Variants in EPN1 observed in about 807,000 individuals in gnomAD.
The protein encoded by EPN1 is epsin 1, also known as epsin-1.
In EPN1, 25 loss-of-function variants were observed where a neutral mutation model predicts 56.9. The observed-to-expected ratio is 0.44, with a 90% CI of 0.32 to 0.61. The LOEUF (loss-of-function observed/expected upper bound fraction) is 0.61. Ranked by LOEUF, EPN1 falls within the 20% of genes least tolerant of loss-of-function variation. The probability of loss-of-function intolerance (pLI) is 0.05; values close to 1 mark genes in which losing one functional copy is unlikely to be tolerated. For synonymous variants in EPN1, 411 were observed against 361.8 expected (o/e 1.14, Z -1.54); for missense variants, 785 against 823.7 (o/e 0.95, Z 0.58).
In EPN1 at chr19:55,685,608, G is replaced by C. The variant is rs749204908; in HGVS notation, c.441G>C (p.Ala147=). Residue 147 remains alanine (A), a synonymous_variant, in exon 3 of 11, where the codon GCG becomes GCC. Transcript: ENST00000270460. The stretch of plus-strand genomic sequence containing the variant: ...GGCTGCGGGAAGAGCGGGCGCACGC[G>C]CTCAAGACCAAGGAAAAGCTGGCAC... The part of the protein sequence containing the change: ...EDRLREERAH[A]LKTKEKLAQT... 6.2e-7 allele frequency: 1 copy of C among 1,602,974 alleles called. No homozygotes were observed. The highest frequency in any genetic ancestry group is 8.5e-7 in the Non-Finnish European group (1 of 1,175,622).
Position 55,701,959 on chromosome 19 carries a change from CTTTTTT to C in EPN1, c.*6618_*6623del, listed in dbSNP as rs1160028473. ...AGTCTCTAGCAGCCCCCACCCCATT[CTTTTTT>C]TTTTTTTTTTTTTTGAGATGGAGTC... is the stretch of plus-strand genomic sequence containing the variant. On this transcript the variant is annotated 3_prime_UTR_variant, in exon 11 of 11. Transcript: ENST00000270460. 0.032 allele frequency: 3,494 copies of C among 110,776 alleles called. 106 individuals carry two copies. Among genetic ancestry groups the C allele is most frequent in the East Asian group, 0.14 (558 of 4,082 alleles). The allele number at this position is 110,776 out of a possible 1,614,324, so 6.9% of individuals were successfully genotyped here. A position where few individuals can be genotyped will look rare whatever the true frequency, so the allele number is the denominator to read the frequency against.
Position 55,691,374 on chromosome 19 carries a change from G to A in EPN1, c.763-380G>A, listed in dbSNP as rs1600106886. Among the ~76,000 whole-genome samples the A allele has an allele frequency of 6.6e-6, 1 of 151,976 alleles. No homozygotes were observed. The highest frequency in any genetic ancestry group is 2.1e-4 in the South Asian group (1 of 4,820). On this transcript the variant is annotated intron_variant, in intron 6 of 10. Coordinates refer to ENST00000270460, the MANE Select transcript of EPN1 (RefSeq NM_001130072.2). This position sits in a 1 kb window ranked among gnomAD's most constrained non-coding sequence, Gnocchi z 5.6. ...AGGCACGGTGGGCAGAGGGAGGATC[G>A]AGCTGCTTCGGGTCGAGCGAGGGGA... is the stretch of plus-strand genomic sequence containing the variant.
chr19:55,677,581 G>C (rs1180704052), intron 1 of EPN1: 1 of 1,547,612 alleles, frequency 6.5e-7, no homozygotes, highest in African/African-American at 1.4e-5. Context: ...TGTTGAAAAA[G>C]GTAATGTCCC....
chr19:55,682,758 C>G (rs1036164226), intron 2 of EPN1, among the ~76,000 whole-genome samples: 3 of 151,134 alleles, frequency 2.0e-5, no homozygotes, highest in Non-Finnish European at 4.4e-5. Context: ...ATTATTGTTT[C>G]TTATTTATTT....
At chr19:55,685,790 C>A (rs1986132159) in intron 3 of EPN1, 145 bp downstream of exon 3, 8 of 1,103,624 alleles carry the variant, frequency 7.2e-6, no homozygotes, top group Non-Finnish European at 1.0e-5. Context: ...GGGCCCCTTG[C>A]TCTGGTCTCA....
intron 1 of EPN1, chr19:55,677,671 T>C (rs1369951928): frequency 3.2e-6 from 5 of 1,551,056 alleles, no homozygotes; most frequent in Non-Finnish European, 4.4e-6. Flanking sequence ...TCCTGAGCCT[T>C]GGGCTTCCGC....
rs923023807 is a variant in EPN1, at chr19:55,675,254, C to T, written c.-283C>T. On this transcript the variant is annotated 5_prime_UTR_variant, in exon 1 of 11. Transcript: ENST00000270460. ...TTGCTTCCCGTCTCCTCGGCGGCTC[C>T]CCTCCCCCGCCCGGCTCTCCGCGCC... 3 of 152,074 alleles carry T rather than the reference C, an allele frequency of 2.0e-5. No individual in the cohort carries two copies. The highest frequency in any genetic ancestry group is 2.9e-5 in the Non-Finnish European group (2 of 67,970). The allele number at this position is 152,074 out of a possible 1,614,324, so 9.4% of individuals were successfully genotyped here. A position where few individuals can be genotyped will look rare whatever the true frequency, so the allele number is the denominator to read the frequency against.
At position 55,686,108 on chromosome 19, in the gene EPN1, C is replaced by T. The variant is rs1433996039; in HGVS notation, c.478+463C>T. Among the ~76,000 whole-genome samples the T allele has an allele frequency of 2.0e-5, 3 of 152,230 alleles. No individual in the cohort carries two copies. In the East Asian group the frequency reaches 5.8e-4, roughly 29 times the overall value. ...TGCAGGTTGCACCAGGCATCTGGGC[C>T]TGTGTTAGGAGCCTTGACAGTGCCT... On this transcript the variant is annotated intron_variant, in intron 3 of 10. Coordinates refer to ENST00000270460, the MANE Select transcript of EPN1 (RefSeq NM_001130072.2).
At position 55,708,888 on chromosome 19, in the gene EPN1, A is replaced by C. The variant is rs1405833943; in HGVS notation, c.*13532A>C. 6.7e-7 allele frequency: 1 copy of C among 1,501,000 alleles called. No homozygotes were observed. Among genetic ancestry groups the C allele is most frequent in the Non-Finnish European group, 8.9e-7 (1 of 1,129,548 alleles). 93.0% of individuals were successfully genotyped at this position (1,501,000 alleles called of 1,614,324 possible). A position where few individuals can be genotyped will look rare whatever the true frequency, so the allele number is the denominator to read the frequency against. ...TGTGGCCAAGGAAAGCCTTTGTGAG[A>C]CGACTACTTCAGGGTGTTCCCCATC... is the stretch of plus-strand genomic sequence containing the variant. On this transcript the variant is annotated 3_prime_UTR_variant, in exon 11 of 11. Transcript: ENST00000270460.
rs1308732653 is a variant in EPN1, at chr19:55,689,058, C to T, written c.603+64C>T. ...GCCTCCACGCCTCACTTCAGGCTCC[C>T]TCCCAGCCAGGCGTGGGCCTGGCCC... On this transcript the variant is annotated intron_variant, in intron 4 of 10. Transcript: ENST00000270460. The surrounding 1 kb of genome is among the most constrained non-coding windows in gnomAD (Gnocchi z 5.7). 1.3e-6 allele frequency: 2 copies of T among 1,508,878 alleles called. No homozygotes were observed. The allele number at this position is 1,508,878 out of a possible 1,614,324, so 93.5% of individuals were successfully genotyped here.
chr19:55,685,359 C>T (rs200139763), intron 2 of EPN1, 37 bp from the exon 3 acceptor site: 139 of 1,593,592 alleles, frequency 8.7e-5, no homozygotes, highest in Admixed American at 6.9e-4. Context: ...GCCTTGTGCC[C>T]GGCGTGCTGA....
Position 55,705,908 on chromosome 19 carries a change from C to T in EPN1, c.*10552C>T, listed in dbSNP as rs1987378998. On this transcript the variant is annotated 3_prime_UTR_variant, in exon 11 of 11. Coordinates refer to ENST00000270460, the MANE Select transcript of EPN1 (RefSeq NM_001130072.2). ...CTAAAGCTGCATTGCAGTGTGTGAT[C>T]ATAGCTCACCATGGGATTCTTGATT... is the stretch of plus-strand genomic sequence containing the variant. 1 of 151,660 alleles carries T rather than the reference C, an allele frequency of 6.6e-6. No homozygotes were observed. The highest frequency in any genetic ancestry group is 1.5e-5 in the Non-Finnish European group (1 of 68,430). 9.4% of individuals were successfully genotyped at this position (151,660 alleles called of 1,614,324 possible).
At chr19:55,681,037 G>A (rs916148548) in intron 2 of EPN1, among the ~76,000 whole-genome samples, 5 of 152,226 alleles carry the variant, frequency 3.3e-5, no homozygotes, top group African/African-American at 1.2e-4. Context: ...CGAGGCTCGT[G>A]GGGGAGCTGG....
intron 1 of EPN1, chr19:55,677,091 T>C (rs1157033910): frequency 6.5e-7 from 1 of 1,537,474 alleles, no homozygotes. Flanking sequence ...CCAGCCTCTC[T>C]CCGTCATCCC....
chr19:55,690,023 C>T (rs141887410), intron 6 of EPN1, 73 bp downstream of exon 6: 156 of 1,386,370 alleles, frequency 1.1e-4, no homozygotes, highest in Admixed American at 1.9e-4. Flanking sequence ...TCCTGCGTGG[C>T]CAGGTCCCTG....
rs898707504 is a variant in EPN1, at chr19:55,703,852, G to A, written c.*8496G>A. Reference sequence around the variant, plus strand: ...GCTACCGCGTGGGCTGGGATTGGAGGAAGCTGGAAAGCGCTCCCCTGCGTT... The same window carrying A: ...GCTACCGCGTGGGCTGGGATTGGAGAAAGCTGGAAAGCGCTCCCCTGCGTT... On this transcript the variant is annotated 3_prime_UTR_variant, in exon 11 of 11. Coordinates refer to ENST00000270460, the MANE Select transcript of EPN1 (RefSeq NM_001130072.2). The A allele has an allele frequency of 1.3e-5, 2 of 152,242 alleles. No individual in the cohort carries two copies. Among genetic ancestry groups the A allele is most frequent in the African/African-American group, 2.4e-5 (1 of 41,454 alleles). The allele number at this position is 152,242 out of a possible 1,614,324, so 9.4% of individuals were successfully genotyped here. A position where few individuals can be genotyped will look rare whatever the true frequency, so the allele number is the denominator to read the frequency against.
chr19:55,678,136 C>T (rs1411092450), intron 1 of EPN1, among the ~76,000 whole-genome samples: 3 of 152,286 alleles, frequency 2.0e-5, no homozygotes, highest in Non-Finnish European at 2.9e-5. Context: ...GAAGGAAGAG[C>T]GCATGGGCAG....
Position 55,684,279 on chromosome 19 carries a change from A to G in EPN1, c.229-1117A>G, listed in dbSNP as rs370330400. On this transcript the variant is annotated intron_variant, in intron 2 of 10. Coordinates refer to ENST00000270460, the MANE Select transcript of EPN1 (RefSeq NM_001130072.2). ...AGCTGTGATAGCTGACTCTTCCCCT[A>G]GGAGCCCTGGGTGGGTTTCTGTGGC... Among the ~76,000 whole-genome samples, 12 of 152,238 alleles carry G rather than the reference A, an allele frequency of 7.9e-5. No homozygotes were observed. In the South Asian group the frequency reaches 1.0e-3, roughly 13 times the overall value.
Position 55,691,248 on chromosome 19 carries a change from G to T in EPN1, c.763-506G>T, listed in dbSNP as rs1283386740. ...GACTGCGGGGTGACGGCGGGGCAAC[G>T]TAGGGGGCATCGTGAGGGGTGCTCA... is the stretch of plus-strand genomic sequence containing the variant. On this transcript the variant is annotated intron_variant, in intron 6 of 10. Transcript: ENST00000270460. This position sits in a 1 kb window ranked among gnomAD's most constrained non-coding sequence, Gnocchi z 5.6. Among the ~76,000 whole-genome samples, 1 of 152,134 alleles carries T rather than the reference G, an allele frequency of 6.6e-6. No homozygotes were observed. Among genetic ancestry groups the T allele is most frequent in the Non-Finnish European group, 1.5e-5 (1 of 68,020 alleles).
Sources: gnomAD v4.1 joint callset for allele counts (sites outside exome capture counted in the v4.1 genomes callset) on GRCh38, gnomAD v4.1.1 for gene constraint, Gnocchi (gnomAD v3.1) non-coding constraint, MANE v1.5 for transcripts, NCBI Gene and HGNC (gene_info 2026-07-23, HGNC 2026-07-21) for gene names.